The following RNF225 variants were observed in gnomAD, a reference collection of about 807,000 sequenced individuals.
RNF225 encodes the protein ring finger protein 225.
For synonymous variants in RNF225, 295 were observed against 260.4 expected, an observed-to-expected ratio of 1.13 and a Z score of -1.28; for missense variants, 510 against 509.8, an observed-to-expected ratio of 1.00 and a Z score of 0.00.
chr19:58,396,958 A>G lies in RNF225; in HGVS notation c.869A>G (p.Glu290Gly). The G allele has an allele frequency of 6.5e-7, 1 of 1,534,042 alleles. No homozygotes were observed. Among genetic ancestry groups the G allele is most frequent in the East Asian group, 2.4e-5 (1 of 40,862 alleles). The change falls in exon 1 of 1, where the codon GAG (glutamate) becomes GGG (glycine). Residue 290 changes from glutamate to glycine, a missense_variant. Coordinates refer to ENST00000601382, the MANE Select transcript of RNF225 (RefSeq NM_001195135.2). ...EDALEPEAGP[E>G]DPAEAERTLD... ...GCGCTGGAGCCCGAGGCGGGCCCCG[A>G]GGACCCGGCGGAGGCCGAGAGGACG...
chr19:58,396,993 C>T lies in RNF225; in HGVS notation c.904C>T (p.Arg302Ter), dbSNP rs1000393656. Reference protein sequence around the residue: ...PAEAERTLDRRSDGTWGTEAG... With the variant: ...PAEAERTLDR ...GGAGGCCGAGAGGACGCTGGACAGG[C>T]GATCGGATGGCACGTGGGGCACAGA... Residue 302 changes from arginine to a stop codon, truncating the protein, a stop_gained, in exon 1 of 1, where the codon CGA becomes TGA. Coordinates refer to ENST00000601382, the MANE Select transcript of RNF225 (RefSeq NM_001195135.2). LOFTEE classifies it low-confidence loss of function (END_TRUNC). The T allele has an allele frequency of 1.3e-6, 2 of 1,534,224 alleles. No homozygotes were observed. The highest frequency in any genetic ancestry group is 2.4e-5 in the East Asian group (1 of 40,874).
rs1260737081 is a variant in RNF225 at position 58,396,385 on chromosome 19, C to T, written c.296C>T (p.Thr99Met). The change falls in exon 1 of 1, where the codon ACG (threonine) becomes ATG (methionine). Residue 99 changes from threonine (T) to methionine (M), a missense_variant. Physicochemically the swap from Thr to Met is moderately conservative, Grantham distance 81. Transcript: ENST00000601382. ...LECLARLSLA[T>M]AGGGNAVACP... ...TGCCTGGCGCGCCTATCGTTGGCCA[C>T]GGCGGGCGGCGGCAACGCGGTGGCC... 11 of 1,534,360 alleles carry T rather than the reference C, an allele frequency of 7.2e-6. No homozygotes were observed. Among genetic ancestry groups the T allele is most frequent in the Admixed American group, 2.0e-5 (1 of 50,932 alleles).
chr19:58,396,037 G>C lies in RNF225; in HGVS notation c.-53G>C. 2.1e-6 allele frequency: 3 copies of C among 1,457,790 alleles called. No individual in the cohort carries two copies. Among genetic ancestry groups the C allele is most frequent in the African/African-American group, 1.4e-5 (1 of 70,304 alleles). 90.3% of individuals were successfully genotyped at this position (1,457,790 alleles called of 1,614,324 possible). A position where few individuals can be genotyped will look rare whatever the true frequency, so the allele number is the denominator to read the frequency against. On this transcript the variant is annotated 5_prime_UTR_variant, in exon 1 of 1. Transcript: ENST00000601382. Reference sequence around the variant, plus strand: ...CCTGCTGGTCTCAGAACCCGCTCCAGGCTCCACCGCCTCCTTCCCTGCCTG... The same window carrying C: ...CCTGCTGGTCTCAGAACCCGCTCCACGCTCCACCGCCTCCTTCCCTGCCTG...
Position 58,396,364 on chromosome 19 carries a change from T to G in RNF225, c.275T>G (p.Leu92Arg), listed in dbSNP as rs1235671824. Residue 92 changes from leucine (L) to arginine (R), a missense_variant, in exon 1 of 1, where the codon CTG becomes CGG. Transcript: ENST00000601382. The stretch of plus-strand genomic sequence containing the variant: ...GGCCACGTCTTCTGTCTCGAGTGCC[T>G]GGCGCGCCTATCGTTGGCCACGGCG... ...DCGHVFCLEC[L>R]ARLSLATAGG... The G allele has an allele frequency of 9.1e-6, 14 of 1,535,102 alleles. No individual in the cohort carries two copies. Among genetic ancestry groups the G allele is most frequent in the Non-Finnish European group, 1.2e-5 (14 of 1,146,612 alleles).
Position 58,396,361 on chromosome 19 carries a change from G to C in RNF225, c.272G>C (p.Cys91Ser). ...LDCGHVFCLECLARLSLATAG... is the reference protein window; with the variant it reads ...LDCGHVFCLESLARLSLATAG... ...TGCGGCCACGTCTTCTGTCTCGAGT[G>C]CCTGGCGCGCCTATCGTTGGCCACG... Residue 91 changes from cysteine (C) to serine (S), a missense_variant, in exon 1 of 1, where the codon TGC becomes TCC. By Grantham distance (112) the Cys-to-Ser change is moderately radical (BLOSUM62 -1). Coordinates refer to ENST00000601382, the MANE Select transcript of RNF225 (RefSeq NM_001195135.2). The C allele has an allele frequency of 6.5e-7, 1 of 1,535,252 alleles. No individual in the cohort carries two copies. The highest frequency in any genetic ancestry group is 8.7e-7 in the Non-Finnish European group (1 of 1,146,604).
In RNF225 at chr19:58,396,728, G is replaced by C; in HGVS notation, c.639G>C (p.Val213=). The C allele has an allele frequency of 6.6e-7, 1 of 1,505,192 alleles. No individual in the cohort carries two copies. The allele number at this position is 1,505,192 out of a possible 1,614,324, so 93.2% of individuals were successfully genotyped here. Reference sequence around the variant, plus strand: ...CGGTGCTGGTGGCCGCGGGCCTCGTGGTCTCGGGCGTCTACATCTTCTTCC... The same window carrying C: ...CGGTGCTGGTGGCCGCGGGCCTCGTCGTCTCGGGCGTCTACATCTTCTTCC... The part of the protein sequence containing the change: ...ALAVLVAAGL[V]VSGVYIFFLI... Residue 213 remains valine (V), a synonymous_variant, in exon 1 of 1, where the codon GTG becomes GTC. Coordinates refer to ENST00000601382, the MANE Select transcript of RNF225 (RefSeq NM_001195135.2).
At position 58,396,884 on chromosome 19, in the gene RNF225, C is replaced by CAT. The variant is rs2052404212; in HGVS notation, c.795_796insAT (p.Pro266IlefsTer?). On this transcript the variant is annotated frameshift_variant, in exon 1 of 1. Coordinates refer to ENST00000601382, the MANE Select transcript of RNF225 (RefSeq NM_001195135.2). LOFTEE classifies it low-confidence loss of function (END_TRUNC). ...CCTGGGCCCCCGCCTGGACGCCGCG[C>CAT]CCCACGGGCCCTGACCTGGACACGG... 4 of 1,527,442 alleles carry CAT rather than the reference C, an allele frequency of 2.6e-6. No homozygotes were observed. The highest frequency in any genetic ancestry group is 3.5e-6 in the Non-Finnish European group (4 of 1,143,890). 94.6% of individuals were successfully genotyped at this position (1,527,442 alleles called of 1,614,324 possible).
rs1299987195 is a variant in RNF225, at chr19:58,396,115, T to A, written c.26T>A (p.Leu9His). 6.5e-7 allele frequency: 1 copy of A among 1,531,914 alleles called. No homozygotes were observed. Among genetic ancestry groups the A allele is most frequent in the South Asian group, 1.2e-5 (1 of 83,706 alleles). The allele number at this position is 1,531,914 out of a possible 1,614,324, so 94.9% of individuals were successfully genotyped here. MPCPRPFW[L>H]RHSRAPQGSG... Reference sequence around the variant, plus strand: ...ATGCCCTGCCCTCGGCCGTTCTGGCTCCGCCATTCCCGGGCCCCCCAGGGC... The same window carrying A: ...ATGCCCTGCCCTCGGCCGTTCTGGCACCGCCATTCCCGGGCCCCCCAGGGC... Residue 9 changes from leucine to histidine, a missense_variant, in exon 1 of 1, where the codon CTC becomes CAC. Coordinates refer to ENST00000601382, the MANE Select transcript of RNF225 (RefSeq NM_001195135.2).
Position 58,396,770 on chromosome 19 carries a change from C to G in RNF225, c.681C>G (p.Thr227=), listed in dbSNP as rs2052403065. 4.0e-6 allele frequency: 6 copies of G among 1,515,328 alleles called. No homozygotes were observed. The highest frequency in any genetic ancestry group is 5.3e-6 in the Non-Finnish European group (6 of 1,139,000). The allele number at this position is 1,515,328 out of a possible 1,614,324, so 93.9% of individuals were successfully genotyped here. ...TCTTCTTCCTCATCCCGCACGCCAC[C>G]TCCTCCGGCCCCCCGCGGCCCCAGC... ...VYIFFLIPHA[T]SSGPPRPQLV... Residue 227 remains threonine, a synonymous_variant, in exon 1 of 1, where the codon ACC becomes ACG. Transcript: ENST00000601382.
chr19:58,396,840 A>AGGCCCCCGCCGGGGTCGCCCTG lies in RNF225; in HGVS notation c.762_783dup (p.Trp262GlyfsTer16), dbSNP rs1435882374. The AGGCCCCCGCCGGGGTCGCCCTG allele has an allele frequency of 2.6e-6, 4 of 1,518,836 alleles. No individual in the cohort carries two copies. The highest frequency in any genetic ancestry group is 1.7e-4 in the Middle Eastern group (1 of 5,746). The allele number at this position is 1,518,836 out of a possible 1,614,324, so 94.1% of individuals were successfully genotyped here. ...GCCTGGCTTCTCTTGGTTTCCGCCG[A>AGGCCCCCGCCGGGGTCGCCCTG]GGCCCCCGCCGGGGTCGCCCTGGGC... On this transcript the variant is annotated frameshift_variant, in exon 1 of 1. Transcript: ENST00000601382. LOFTEE classifies it low-confidence loss of function (END_TRUNC).
chr19:58,397,052 C>G lies in RNF225; in HGVS notation c.963C>G (p.Gly321=), dbSNP rs1345640893. 1 of 1,525,744 alleles carries G rather than the reference C, an allele frequency of 6.6e-7. No individual in the cohort carries two copies. Among genetic ancestry groups the G allele is most frequent in the Non-Finnish European group, 8.7e-7 (1 of 1,143,252 alleles). The allele number at this position is 1,525,744 out of a possible 1,614,324, so 94.5% of individuals were successfully genotyped here. Residue 321 remains glycine, a synonymous_variant, in exon 1 of 1, where the codon GGC becomes GGG. Transcript: ENST00000601382. ...CCGGCTGGGCCCCGTGGCCACGGGGCGCGAGGAGGCTGTGGGGCTCACAAT... is the reference window on the plus strand; with the variant it reads ...CCGGCTGGGCCCCGTGGCCACGGGGGGCGAGGAGGCTGTGGGGCTCACAAT... The part of the protein sequence containing the change: ...AGPGWAPWPR[G]ARRLWGSQ
In RNF225 at chr19:58,396,113, G is replaced by T. The variant is rs1421547555; in HGVS notation, c.24G>T (p.Trp8Cys). Residue 8 changes from tryptophan (W) to cysteine (C), a missense_variant, in exon 1 of 1, where the codon TGG becomes TGT. Physicochemically the swap from Trp to Cys is radical, Grantham distance 215. Coordinates refer to ENST00000601382, the MANE Select transcript of RNF225 (RefSeq NM_001195135.2). ...GGATGCCCTGCCCTCGGCCGTTCTG[G>T]CTCCGCCATTCCCGGGCCCCCCAGG... MPCPRPFWLRHSRAPQGS... is the reference protein window; with the variant it reads MPCPRPFCLRHSRAPQGS... The T allele has an allele frequency of 6.5e-7, 1 of 1,531,666 alleles. No individual in the cohort carries two copies. The highest frequency in any genetic ancestry group is 2.5e-5 in the East Asian group (1 of 40,810). 94.9% of individuals were successfully genotyped at this position (1,531,666 alleles called of 1,614,324 possible).
In RNF225 at chr19:58,395,918, C is replaced by T. The variant is rs1414502586; in HGVS notation, c.-172C>T. Among the ~76,000 whole-genome samples, 1 of 152,164 alleles carries T rather than the reference C, an allele frequency of 6.6e-6. No homozygotes were observed. The highest frequency in any genetic ancestry group is 1.5e-5 in the Non-Finnish European group (1 of 68,000). On this transcript the variant is annotated 5_prime_UTR_variant, in exon 1 of 1. Coordinates refer to ENST00000601382, the MANE Select transcript of RNF225 (RefSeq NM_001195135.2). ...TCCGCCTCGGGCCTCCCCATCTCCC[C>T]TGCTCCTCGACGCTAGCTACACCCT... is the stretch of plus-strand genomic sequence containing the variant.
rs2052401176 is a variant in RNF225, at chr19:58,396,570, C to T, written c.481C>T (p.Pro161Ser). 2 of 1,053,490 alleles carry T rather than the reference C, an allele frequency of 1.9e-6. No homozygotes were observed. The highest frequency in any genetic ancestry group is 4.3e-4 in the Middle Eastern group (1 of 2,316). 65.3% of individuals were successfully genotyped at this position (1,053,490 alleles called of 1,614,324 possible). A position where few individuals can be genotyped will look rare whatever the true frequency, so the allele number is the denominator to read the frequency against. Residue 161 changes from proline (P) to serine (S), a missense_variant, in exon 1 of 1, where the codon CCG becomes TCG. By Grantham distance (74) the Pro-to-Ser change is moderately conservative. Coordinates refer to ENST00000601382, the MANE Select transcript of RNF225 (RefSeq NM_001195135.2). ...CCGCGGCCTTCTCTACCTGCGGCCGCCGCCGCCCCCGCCCGGGCCGCGCAA... is the reference window on the plus strand; with the variant it reads ...CCGCGGCCTTCTCTACCTGCGGCCGTCGCCGCCCCCGCCCGGGCCGCGCAA... ...RRRGLLYLRPPPPPPGPRKAR... is the reference protein window; with the variant it reads ...RRRGLLYLRPSPPPPGPRKAR...
rs1399659617 is a variant in RNF225, at chr19:58,396,448, G to A, written c.359G>A (p.Arg120His). The A allele has an allele frequency of 1.4e-6, 2 of 1,417,556 alleles. No individual in the cohort carries two copies. The highest frequency in any genetic ancestry group is 1.8e-6 in the Non-Finnish European group (2 of 1,097,036). 87.8% of individuals were successfully genotyped at this position (1,417,556 alleles called of 1,614,324 possible). The change falls in exon 1 of 1, where the codon CGC (arginine) becomes CAC (histidine). Residue 120 changes from arginine (R) to histidine (H), a missense_variant. Coordinates refer to ENST00000601382, the MANE Select transcript of RNF225 (RefSeq NM_001195135.2). Reference protein sequence around the residue: ...VCRAPTRLAPRRGLPALPTQS... With the variant: ...VCRAPTRLAPHRGLPALPTQS... ...CGCGCGCCCACGCGCCTGGCCCCCC[G>A]CCGCGGACTCCCCGCGTTGCCCACG...
chr19:58,396,016 C>A lies in RNF225; in HGVS notation c.-74C>A. ...TCCCCAGTCTTCCCTGGATTCCCTG[C>A]TGGTCTCAGAACCCGCTCCAGGCTC... On this transcript the variant is annotated 5_prime_UTR_variant, in exon 1 of 1. The change creates a new upstream start codon in the 5' untranslated region. Coordinates refer to ENST00000601382, the MANE Select transcript of RNF225 (RefSeq NM_001195135.2). The A allele has an allele frequency of 7.2e-7, 1 of 1,384,710 alleles. No homozygotes were observed. The highest frequency in any genetic ancestry group is 9.5e-7 in the Non-Finnish European group (1 of 1,049,610). The allele number at this position is 1,384,710 out of a possible 1,614,324, so 85.8% of individuals were successfully genotyped here.
In RNF225 at chr19:58,396,679, T is replaced by G; in HGVS notation, c.590T>G (p.Val197Gly). 11 of 1,488,178 alleles carry G rather than the reference T, an allele frequency of 7.4e-6. No individual in the cohort carries two copies. The highest frequency in any genetic ancestry group is 9.8e-6 in the Non-Finnish European group (11 of 1,127,080). The allele number at this position is 1,488,178 out of a possible 1,614,324, so 92.2% of individuals were successfully genotyped here. A position where few individuals can be genotyped will look rare whatever the true frequency, so the allele number is the denominator to read the frequency against. ...RRLSLASPAW[V>G]FNAAVALAVL... ...TTGTCGCTGGCCAGCCCGGCCTGGG[T>G]CTTCAACGCTGCCGTGGCGCTGGCG... is the stretch of plus-strand genomic sequence containing the variant. The change falls in exon 1 of 1, where the codon GTC (valine) becomes GGC (glycine). Residue 197 changes from valine to glycine, a missense_variant. By Grantham distance (109) the Val-to-Gly change is moderately radical. Transcript: ENST00000601382.
At position 58,396,130 on chromosome 19, in the gene RNF225, C is replaced by A; in HGVS notation, c.41C>A (p.Ala14Asp). The A allele has an allele frequency of 6.5e-7, 1 of 1,531,744 alleles. No individual in the cohort carries two copies. Among genetic ancestry groups the A allele is most frequent in the Non-Finnish European group, 8.7e-7 (1 of 1,145,466 alleles). The allele number at this position is 1,531,744 out of a possible 1,614,324, so 94.9% of individuals were successfully genotyped here. The change falls in exon 1 of 1, where the codon GCC becomes GAC. Residue 14 changes from alanine (A) to aspartate (D), a missense_variant. Physicochemically the swap from Ala to Asp is moderately radical, Grantham distance 126. Transcript: ENST00000601382. ...PRPFWLRHSR[A>D]PQGSGPSSPG... is the part of the protein sequence containing the mutation. ...CCGTTCTGGCTCCGCCATTCCCGGG[C>A]CCCCCAGGGCTCGGGTCCCAGCTCC...
In RNF225 at chr19:58,396,697, C is replaced by T. The variant is rs1467475159; in HGVS notation, c.608C>T (p.Ala203Val). The part of the protein sequence containing the change: ...SPAWVFNAAV[A>V]LAVLVAAGLV... ...GCCTGGGTCTTCAACGCTGCCGTGG[C>T]GCTGGCGGTGCTGGTGGCCGCGGGC... The change falls in exon 1 of 1, where the codon GCG becomes GTG. Residue 203 changes from alanine (A) to valine (V), a missense_variant. Physicochemically the swap from Ala to Val is moderately conservative, Grantham distance 64. Transcript: ENST00000601382. The T allele has an allele frequency of 3.3e-6, 5 of 1,494,978 alleles. No homozygotes were observed. The South Asian group carries it at 5.0e-5, about 15-fold the overall frequency. 92.6% of individuals were successfully genotyped at this position (1,494,978 alleles called of 1,614,324 possible). A position where few individuals can be genotyped will look rare whatever the true frequency, so the allele number is the denominator to read the frequency against.
Sources: gnomAD v4.1 joint callset for allele counts (sites outside exome capture counted in the v4.1 genomes callset) on GRCh38, gnomAD v4.1.1 for gene constraint, MANE v1.5 for transcripts, NCBI Gene and HGNC (gene_info 2026-07-23, HGNC 2026-07-21) for gene names.